CHRNA9: variants seen among roughly 807,000 people sequenced by gnomAD.
CHRNA9 encodes the protein neuronal acetylcholine receptor subunit alpha-9.
In CHRNA9, 24 loss-of-function variants were observed where a neutral mutation model predicts 36.8. The observed-to-expected ratio is 0.65, with a 90% CI of 0.47 to 0.92. CHRNA9 has a LOEUF of 0.92. Ranked by LOEUF, CHRNA9 falls within the 40% of genes least tolerant of loss-of-function variation. CHRNA9 has a pLI of 0.00. For missense variants in CHRNA9, 610 were observed against 601.2 expected, an observed-to-expected ratio of 1.01 and a Z score of -0.15; for synonymous variants, 231 against 231.8, an observed-to-expected ratio of 1.00 and a Z score of 0.03.
intron 4 of CHRNA9, 147 bp from the exon 5 acceptor site, chr4:40,353,832 A>T: frequency 1.4e-6 from 1 of 719,162 alleles, no homozygotes; most frequent in Admixed American, 2.8e-5. Flanking sequence ...AGGTTTGTGT[A>T]CATACACTCT....
At chr4:40,343,374 C>G (rs1712554281) in intron 3 of CHRNA9, among the ~76,000 whole-genome samples, 2 of 152,256 alleles carry the variant, frequency 1.3e-5, no homozygotes, top group Admixed American at 1.3e-4. Context: ...AAATGAGGAG[C>G]AAAGTCACAT....
intron 4 of CHRNA9, among the ~76,000 whole-genome samples, chr4:40,350,248 G>A (rs539990265): frequency 7.9e-5 from 12 of 152,244 alleles, no homozygotes; most frequent in African/African-American, 2.4e-4. Flanking sequence ...CAACTTGGCC[G>A]AGATTTGGGA....
intron 3 of CHRNA9, 146 bp downstream of exon 3, chr4:40,337,510 G>A (rs1712358875): frequency 7.3e-6 from 7 of 958,454 alleles, no homozygotes; most frequent in Non-Finnish European, 1.0e-5. Flanking sequence ...AAGAGACATA[G>A]AATCTTAGAT....
chr4:40,347,253 C>T (rs1157989891), intron 3 of CHRNA9, among the ~76,000 whole-genome samples: 1 of 152,030 alleles, frequency 6.6e-6, no homozygotes, highest in Non-Finnish European at 1.5e-5. Context: ...GTTTTTTTAT[C>T]CCTTACCTCC....
At chr4:40,344,588 C>T (rs1239987977) in intron 3 of CHRNA9, among the ~76,000 whole-genome samples, 1 of 151,162 alleles carries the variant, frequency 6.6e-6, no homozygotes, top group East Asian at 1.9e-4. Flanking sequence ...GCTACAGCAG[C>T]AATAGAAATT....
chr4:40,342,246 A>G (rs537238224), intron 3 of CHRNA9, among the ~76,000 whole-genome samples: 2 of 152,352 alleles, frequency 1.3e-5, no homozygotes, highest in South Asian at 2.1e-4. Flanking sequence ...GAGGGCGAGG[A>G]GAAACAGGTT....
rs777048410 is a variant in CHRNA9 at position 40,348,849 on chromosome 4, A to C, written c.366-33A>C. 1.9e-6 allele frequency: 3 copies of C among 1,599,918 alleles called. No homozygotes were observed. In the South Asian group the frequency reaches 3.3e-5, roughly 18 times the overall value. On this transcript the variant is annotated intron_variant, in intron 3 of 4. Coordinates refer to ENST00000310169, the MANE Select transcript of CHRNA9 (RefSeq NM_017581.4). The stretch of plus-strand genomic sequence containing the variant: ...AAGGAAGGTGGCAAGTTCTCCTAGC[A>C]TGCGGCTTTCATTTTCCTTATCTGA...
intron 4 of CHRNA9, among the ~76,000 whole-genome samples, chr4:40,350,693 T>TAC (rs59972613): frequency 0.019 from 2,761 of 143,944 alleles, 63 homozygotes; most frequent in African/African-American, 0.052. Context: ...CTTTGCAAAA[T>TAC]ACACACACAC....
intron 3 of CHRNA9, among the ~76,000 whole-genome samples, chr4:40,339,457 C>T (rs112058052): frequency 0.14 from 21,069 of 149,490 alleles, 1,529 homozygotes; most frequent in African/African-American, 0.16. Context: ...CCGAGGGGGG[C>T]GGATCATGAG....
In CHRNA9 at chr4:40,337,329, C is replaced by T. The variant is rs763967910; in HGVS notation, c.330C>T (p.Asp110=). 1.2e-6 allele frequency: 2 copies of T among 1,614,200 alleles called. No homozygotes were observed. Among genetic ancestry groups the T allele is most frequent in the Admixed American group, 1.7e-5 (1 of 60,028 alleles). ...DGLDSIRIPS[D]LVWRPDIVLY... is the part of the protein sequence containing the mutation. ...TAGACTCCATCAGGATCCCCAGTGA[C>T]CTCGTGTGGAGGCCAGACATCGTCT... Residue 110 remains aspartate (D), a synonymous_variant, in exon 3 of 5, where the codon GAC becomes GAT. Transcript: ENST00000310169.
chr4:40,338,830 C>T (rs542576554), intron 3 of CHRNA9, among the ~76,000 whole-genome samples: 2 of 150,292 alleles, frequency 1.3e-5, no homozygotes, highest in African/African-American at 5.0e-5. Context: ...TCCCCGTGCT[C>T]GCTCTCTCTG....
Position 40,335,895 on chromosome 4 carries a change from G to A in CHRNA9, c.133G>A (p.Ala45Thr), listed in dbSNP as rs765799684. ...TGACCTTTTTGAAGATTATTCTAAT[G>A]CTCTTCGTCCAGTGGAAGATACAGA... ...FNDLFEDYSN[A>T]LRPVEDTDKV... is the part of the protein sequence containing the mutation. Residue 45 changes from alanine to threonine, a missense_variant, in exon 2 of 5, where the codon GCT (alanine) becomes ACT (threonine). Physicochemically the swap from Ala to Thr is moderately conservative, Grantham distance 58. Coordinates refer to ENST00000310169, the MANE Select transcript of CHRNA9 (RefSeq NM_017581.4). The A allele has an allele frequency of 7.4e-6, 12 of 1,610,856 alleles. No individual in the cohort carries two copies. Among genetic ancestry groups the A allele is most frequent in the Non-Finnish European group, 9.3e-6 (11 of 1,177,010 alleles).
At chr4:40,336,703 A>G (rs6812832) in intron 2 of CHRNA9, among the ~76,000 whole-genome samples, 57,893 of 151,842 alleles carry the variant, frequency 0.38, 12,383 homozygotes, top group Middle Eastern at 0.49. Flanking sequence ...GATGGTCTCA[A>G]TCTCCTGACC....
At chr4:40,345,982 G>T (rs376749899) in intron 3 of CHRNA9, among the ~76,000 whole-genome samples, 1 of 152,162 alleles carries the variant, frequency 6.6e-6, no homozygotes, top group South Asian at 2.1e-4. Flanking sequence ...CTGACATGGC[G>T]CCACTGTACT....
chr4:40,348,968 C>T lies in CHRNA9; in HGVS notation c.452C>T (p.Thr151Ile), dbSNP rs554771896. ...GLITWDAPAI[T>I]KSSCVVDVTY... ...ATCACCTGGGATGCACCGGCCATCACCAAAAGCTCCTGTGTGGTGGATGTC... is the reference window on the plus strand; with the variant it reads ...ATCACCTGGGATGCACCGGCCATCATCAAAAGCTCCTGTGTGGTGGATGTC... The change falls in exon 4 of 5, where the codon ACC (threonine) becomes ATC (isoleucine). Residue 151 changes from threonine to isoleucine, a missense_variant. Thr to Ile is a moderately conservative substitution (Grantham distance 89, BLOSUM62 -1). Coordinates refer to ENST00000310169, the MANE Select transcript of CHRNA9 (RefSeq NM_017581.4). 9.7e-5 allele frequency: 157 copies of T among 1,614,172 alleles called. No individual in the cohort carries two copies. The highest frequency in any genetic ancestry group is 8.6e-4 in the South Asian group (78 of 91,078).
chr4:40,336,443 G>A (rs1281478730), intron 2 of CHRNA9, among the ~76,000 whole-genome samples: 2 of 152,008 alleles, frequency 1.3e-5, no homozygotes, highest in East Asian at 1.9e-4. Flanking sequence ...TGTTCCCTTC[G>A]AAAATGATTA....
intron 4 of CHRNA9, chr4:40,349,987 G>A (rs1712747856): frequency 6.4e-6 from 1 of 155,166 alleles, no homozygotes; most frequent in Non-Finnish European, 1.4e-5. Context: ...AAATTTGTGT[G>A]ATTGCTTCCT....
intron 4 of CHRNA9, among the ~76,000 whole-genome samples, chr4:40,350,390 T>C (rs1712766838): frequency 6.6e-6 from 1 of 152,084 alleles, no homozygotes; most frequent in Non-Finnish European, 1.5e-5. Context: ...TTCTGAGGGC[T>C]TTCCTATCCC....
intron 4 of CHRNA9, among the ~76,000 whole-genome samples, chr4:40,352,222 C>T (rs1204379874): frequency 6.6e-6 from 1 of 151,938 alleles, no homozygotes; most frequent in African/African-American, 2.4e-5. Flanking sequence ...TGTTATTATA[C>T]AGCTATTTTT....
Sources: gnomAD v4.1 joint callset for allele counts (sites outside exome capture counted in the v4.1 genomes callset) on GRCh38, gnomAD v4.1.1 for gene constraint, MANE v1.5 for transcripts, NCBI Gene and HGNC (gene_info 2026-07-23, HGNC 2026-07-21) for gene names.